The following ZNF714 variants were observed in gnomAD, a reference collection of about 807,000 sequenced individuals.
ZNF714 encodes the protein zinc finger protein 714.
ZNF714 carries 32 observed loss-of-function variants against 46.2 expected under a neutral mutation model. The observed-to-expected ratio is 0.69, with a 90% CI of 0.52 to 0.93. The LOEUF (loss-of-function observed/expected upper bound fraction) is 0.93, where lower values mean the gene tolerates loss of function less well. Among genes scored for constraint, ZNF714 ranks in the 40% least tolerant of loss-of-function variants. The pLI is 0.00. For missense variants in ZNF714, 635 were observed against 646.3 expected, an observed-to-expected ratio of 0.98 and a Z score of 0.19; for synonymous variants, 199 against 213.1, an observed-to-expected ratio of 0.93 and a Z score of 0.58.
chr19:21,116,982 C>T lies in ZNF714; in HGVS notation c.318C>T (p.Asn106=), dbSNP rs1213048057. 6.2e-7 allele frequency: 1 copy of T among 1,613,718 alleles called. No homozygotes were observed. Among genetic ancestry groups the T allele is most frequent in the Non-Finnish European group, 8.5e-7 (1 of 1,179,884 alleles). ...ACAAAAAAGGTTATAATGAACTAAA[C>T]CAGTGTTTGACAACTACCCAGAGCA... ...KVYKKGYNEL[N]QCLTTTQSKI... is the part of the protein sequence containing the mutation. The change falls in exon 5 of 5, where the codon AAC becomes AAT. Residue 106 remains asparagine, a synonymous_variant. Transcript: ENST00000456283.
At position 21,117,515 on chromosome 19, in the gene ZNF714, C is replaced by T. The variant is rs1393445463; in HGVS notation, c.851C>T (p.Pro284Leu). 1 of 1,607,578 alleles carries T rather than the reference C, an allele frequency of 6.2e-7. No individual in the cohort carries two copies. The highest frequency in any genetic ancestry group is 2.2e-5 in the East Asian group (1 of 44,602). ...THKFIHVKEK[P>L]YKCEECDKAF... ...AAGTTCATTCATGTTAAAGAAAAAC[C>T]CTACAAATGTGAAGAATGTGACAAA... Residue 284 changes from proline to leucine, a missense_variant, in exon 5 of 5, where the codon CCC (proline) becomes CTC (leucine). Pro to Leu is a moderately conservative substitution (Grantham distance 98). Transcript: ENST00000456283.
chr19:21,105,694 C>A (rs1255812994), intron 4 of ZNF714, among the ~76,000 whole-genome samples: 1 of 152,048 alleles, frequency 6.6e-6, no homozygotes, highest in African/African-American at 2.4e-5. Context: ...GTGGCTCATG[C>A]CTATAATCTC....
At chr19:21,084,545 T>A (rs1420423584) in intron 2 of ZNF714, among the ~76,000 whole-genome samples, 1 of 152,052 alleles carries the variant, frequency 6.6e-6, no homozygotes, top group Non-Finnish European at 1.5e-5. Flanking sequence ...CTCAAGTGAC[T>A]GAATAGCCTG....
chr19:21,114,655 A>C (rs1969548823), intron 4 of ZNF714, among the ~76,000 whole-genome samples: 1 of 152,136 alleles, frequency 6.6e-6, no homozygotes, highest in Admixed American at 6.5e-5. Context: ...TTTAAGGCTA[A>C]TATTGTTATG....
rs1046755509 is a variant in ZNF714, at chr19:21,086,948, A to G, written c.-85+2879A>G. Reference sequence around the variant, plus strand: ...ACCCTGAAAAACAAAACAAAGGATCAGTGACATTTTATGCAAAGTCAAAAA... The same window carrying G: ...ACCCTGAAAAACAAAACAAAGGATCGGTGACATTTTATGCAAAGTCAAAAA... On this transcript the variant is annotated intron_variant, in intron 2 of 4. Coordinates refer to ENST00000456283, the MANE Select transcript of ZNF714 (RefSeq NM_182515.4). 5.3e-5 allele frequency among the ~76,000 whole-genome samples: 8 copies of G among 152,214 alleles called. No homozygotes were observed. The South Asian group carries it at 8.3e-4, about 16-fold the overall frequency.
chr19:21,115,103 A>T (rs1969560552), intron 4 of ZNF714, among the ~76,000 whole-genome samples: 1 of 152,020 alleles, frequency 6.6e-6, no homozygotes, highest in Non-Finnish European at 1.5e-5. Flanking sequence ...AAGATAAAAC[A>T]GTGTATTTTA....
rs1391983574 is a variant in ZNF714, at chr19:21,122,226, T to TA, written c.*3896dup. On this transcript the variant is annotated 3_prime_UTR_variant, in exon 5 of 5. Transcript: ENST00000456283. ...TTACTGTGTAATCGATGCTCCATAA[T>TA]AATTCACAAATATTCCTGCTGGAGT... The TA allele has an allele frequency of 6.6e-6, 1 of 152,244 alleles. No homozygotes were observed. The highest frequency in any genetic ancestry group is 2.4e-5 in the African/African-American group (1 of 41,458). The allele number at this position is 152,244 out of a possible 1,614,324, so 9.4% of individuals were successfully genotyped here.
intron 2 of ZNF714, among the ~76,000 whole-genome samples, chr19:21,092,730 C>T (rs1393852046): frequency 6.6e-6 from 1 of 151,900 alleles, no homozygotes; most frequent in Non-Finnish European, 1.5e-5. Flanking sequence ...TTCTTTTGTT[C>T]TTTCATTGTC....
At chr19:21,112,815 G>GTTTTTTTTTTTTTTT (rs1314785181) in intron 4 of ZNF714, among the ~76,000 whole-genome samples, 8 of 41,690 alleles carry the variant, frequency 1.9e-4, no homozygotes, top group Non-Finnish European at 3.4e-4. Context: ...TTTTATTTCT[G>GTTTTTTTTTTTTTTT]ATTTTTTTTT....
chr19:21,102,118 C>T (rs1053211318), intron 4 of ZNF714, among the ~76,000 whole-genome samples: 1 of 151,870 alleles, frequency 6.6e-6, no homozygotes, highest in Admixed American at 6.6e-5. Context: ...ATTTTTTTGT[C>T]AGGGATGACT....
At position 21,120,099 on chromosome 19, in the gene ZNF714, T is replaced by TG. The variant is rs1198835593; in HGVS notation, c.*1769dup. On this transcript the variant is annotated 3_prime_UTR_variant, in exon 5 of 5. Coordinates refer to ENST00000456283, the MANE Select transcript of ZNF714 (RefSeq NM_182515.4). Reference sequence around the variant, plus strand: ...CTCTTTCGTCCAGGCTGGAGCACAGTGGCATGATCTCGGCTCACTGCAACC... The same window carrying TG: ...CTCTTTCGTCCAGGCTGGAGCACAGTGGGCATGATCTCGGCTCACTGCAACC... 1.3e-5 allele frequency: 2 copies of TG among 152,210 alleles called. No individual in the cohort carries two copies. The highest frequency in any genetic ancestry group is 2.9e-5 in the Non-Finnish European group (2 of 68,034). The allele number at this position is 152,210 out of a possible 1,614,324, so 9.4% of individuals were successfully genotyped here. A position where few individuals can be genotyped will look rare whatever the true frequency, so the allele number is the denominator to read the frequency against.
chr19:21,109,150 A>C (rs1340993134), intron 4 of ZNF714, among the ~76,000 whole-genome samples: 2 of 152,168 alleles, frequency 1.3e-5, no homozygotes, highest in African/African-American at 4.8e-5. Context: ...TGCTAAAATG[A>C]GTCTCTTATA....
chr19:21,084,371 A>T (rs1362131925), intron 2 of ZNF714, among the ~76,000 whole-genome samples: 1 of 152,100 alleles, frequency 6.6e-6, no homozygotes, highest in Non-Finnish European at 1.5e-5. Context: ...ATGGTCTTGT[A>T]GATGCCTAAT....
At chr19:21,093,381 C>T (rs927714985) in intron 2 of ZNF714, among the ~76,000 whole-genome samples, 19 of 151,660 alleles carry the variant, frequency 1.3e-4, no homozygotes, top group Admixed American at 5.9e-4. Flanking sequence ...TACAGGCATG[C>T]GCCACCACTC....
chr19:21,117,854 A>T lies in ZNF714; in HGVS notation c.1190A>T (p.Tyr397Phe), dbSNP rs762869776. The T allele has an allele frequency of 1.2e-6, 2 of 1,613,204 alleles. No homozygotes were observed. Among genetic ancestry groups the T allele is most frequent in the African/African-American group, 2.7e-5 (2 of 75,042 alleles). Reference sequence around the variant, plus strand: ...ATAATTCATACTGGAGAGAAACCTTACAAATGTGAAGAATGTGGCAAAGCT... The same window carrying T: ...ATAATTCATACTGGAGAGAAACCTTTCAAATGTGAAGAATGTGGCAAAGCT... Reference protein sequence around the residue: ...HKIIHTGEKPYKCEECGKAFN... With the variant: ...HKIIHTGEKPFKCEECGKAFN... The change falls in exon 5 of 5, where the codon TAC (tyrosine) becomes TTC (phenylalanine). Residue 397 changes from tyrosine to phenylalanine, a missense_variant. Physicochemically the swap from Tyr to Phe is conservative, Grantham distance 22. Transcript: ENST00000456283.
chr19:21,117,169 A>T lies in ZNF714; in HGVS notation c.505A>T (p.Arg169Ter). Residue 169 changes from arginine to a stop codon, truncating the protein, a stop_gained, in exon 5 of 5, where the codon AGA (arginine) becomes TGA (stop). Transcript: ENST00000456283. LOFTEE classifies it high-confidence loss of function. The part of the protein sequence containing the change: ...HLHQHKRIHI[R>*]ENSYQCEECD... ...ACATCAACATAAAAGAATTCATATT[A>T]GAGAGAATTCTTACCAATGTGAAGA... 1 of 1,614,034 alleles carries T rather than the reference A, an allele frequency of 6.2e-7. No individual in the cohort carries two copies. The highest frequency in any genetic ancestry group is 8.5e-7 in the Non-Finnish European group (1 of 1,179,928).
At position 21,097,074 on chromosome 19, in the gene ZNF714, G is replaced by A. The variant is rs182803746; in HGVS notation, c.-84-1111G>A. On this transcript the variant is annotated intron_variant, in intron 2 of 4. Coordinates refer to ENST00000456283, the MANE Select transcript of ZNF714 (RefSeq NM_182515.4). ...ATAGAGACGGGGTTTCACTGTGTTAGCCAGGATGGTCTTGATCTCCTGACA... is the reference window on the plus strand; with the variant it reads ...ATAGAGACGGGGTTTCACTGTGTTAACCAGGATGGTCTTGATCTCCTGACA... Among the ~76,000 whole-genome samples, 154 of 152,098 alleles carry A rather than the reference G, an allele frequency of 1.0e-3. 1 individual carries two copies. The highest frequency in any genetic ancestry group is 3.2e-3 in the African/African-American group (133 of 41,482).
chr19:21,123,180 C>T lies in ZNF714; in HGVS notation c.*4848C>T, dbSNP rs1054595739. 7.2e-6 allele frequency: 1 copy of T among 139,058 alleles called. No individual in the cohort carries two copies. The highest frequency in any genetic ancestry group is 1.6e-5 in the Non-Finnish European group (1 of 63,578). 8.6% of individuals were successfully genotyped at this position (139,058 alleles called of 1,614,324 possible). On this transcript the variant is annotated 3_prime_UTR_variant, in exon 5 of 5. Coordinates refer to ENST00000456283, the MANE Select transcript of ZNF714 (RefSeq NM_182515.4). ...AAAAAAAAAAAAAAAAGATTAAAGG[C>T]GCACACTGTCCACAGGCAAGAGGAT...
chr19:21,099,461 TGAGCC>T (rs67602207), intron 4 of ZNF714, among the ~76,000 whole-genome samples: 103,638 of 151,644 alleles, frequency 0.68, 39,646 homozygotes, highest in East Asian at 0.87. Flanking sequence ...ATTACAAGTG[TGAGCC>T]ACCGTGCCCA....
Sources: allele counts gnomAD v4.1 joint callset (sites outside exome capture counted in the v4.1 genomes callset), GRCh38; gene constraint gnomAD v4.1.1; transcripts MANE v1.5; gene names NCBI Gene and HGNC (gene_info 2026-07-23, HGNC 2026-07-21).